Variants in PCSK2 observed in about 807,000 individuals in gnomAD.
PCSK2 encodes the protein proprotein convertase subtilisin/kexin type 2.
A neutral mutation model predicts 69.7 loss-of-function variants in PCSK2; 14 were observed. The ratio of observed to expected loss-of-function variants is 0.20; its 90% CI spans 0.13 to 0.31. PCSK2 has a LOEUF of 0.31. PCSK2 is among the 10% of genes least tolerant of loss of function. PCSK2 has a pLI of 1.00. For synonymous variants in PCSK2, 307 were observed against 320.7 expected (o/e 0.96, Z 0.46); for missense variants, 544 against 842.5 (o/e 0.65, Z 4.39).
chr20:17,462,617 G>A (rs1353926745), intron 10 of PCSK2, among the ~76,000 whole-genome samples: 1 of 152,172 alleles, frequency 6.6e-6, no homozygotes, highest in African/African-American at 2.4e-5. Flanking sequence ...GCTATCAGCT[G>A]GTGGGGACAG....
chr20:17,479,664 T>C (rs1394313370), intron 11 of PCSK2, among the ~76,000 whole-genome samples: 4 of 151,498 alleles, frequency 2.6e-5, no homozygotes, highest in Admixed American at 6.6e-5. Context: ...CCGGGCACAG[T>C]GGAGGGCGCC....
At chr20:17,467,016 T>C (rs1463628289) in intron 11 of PCSK2, among the ~76,000 whole-genome samples, 1 of 152,228 alleles carries the variant, frequency 6.6e-6, no homozygotes, top group African/African-American at 2.4e-5. Context: ...ATCATTTAAA[T>C]GGTGGTAAAA....
rs112374848 is a variant in PCSK2 at position 17,415,851 on chromosome 20, A to AG, written c.620+6514dup. Among the ~76,000 whole-genome samples, 1,431 of 152,196 alleles carry AG rather than the reference A, an allele frequency of 9.4e-3. 9 individuals are homozygous for AG. Among genetic ancestry groups the AG allele is most frequent in the South Asian group, 0.015 (74 of 4,814 alleles). Reference sequence around the variant, plus strand: ...AAAACAGATATATAGAACAGAACAGAGGCCTCAGAAATAACACCACACATC... The same window carrying AG: ...AAAACAGATATATAGAACAGAACAGAGGGCCTCAGAAATAACACCACACATC... On this transcript the variant is annotated intron_variant, in intron 6 of 11. Coordinates refer to ENST00000262545, the MANE Select transcript of PCSK2 (RefSeq NM_002594.5).
intron 2 of PCSK2, among the ~76,000 whole-genome samples, chr20:17,283,904 A>G (rs1417559): frequency 0.9 from 137,305 of 152,228 alleles, 62,068 homozygotes; most frequent in East Asian, 0.95. Flanking sequence ...TATGAGTACA[A>G]ATAAGGAAAA....
chr20:17,232,941 C>T (rs1304736152), intron 1 of PCSK2, among the ~76,000 whole-genome samples: 3 of 152,186 alleles, frequency 2.0e-5, no homozygotes, highest in Non-Finnish European at 4.4e-5. Context: ...CTTCCCTAGA[C>T]ATGGCTGCCA....
intron 5 of PCSK2, among the ~76,000 whole-genome samples, chr20:17,392,374 A>G (rs2031405314): frequency 1.3e-5 from 2 of 152,238 alleles, no homozygotes; most frequent in South Asian, 4.1e-4. Context: ...CAAAGCAGTG[A>G]TTAGAAATCA....
chr20:17,350,763 C>T (rs2123194835), intron 2 of PCSK2, among the ~76,000 whole-genome samples: 1 of 152,294 alleles, frequency 6.6e-6, no homozygotes, highest in African/African-American at 2.4e-5. Context: ...AAGATTAAGG[C>T]CAGGCGTGGT....
At chr20:17,455,560 T>C (rs1419317100) in intron 9 of PCSK2, among the ~76,000 whole-genome samples, 1 of 152,242 alleles carries the variant, frequency 6.6e-6, no homozygotes, top group Non-Finnish European at 1.5e-5. Flanking sequence ...AGAGAGACTT[T>C]AGCTGAGCAT....
chr20:17,402,458 G>A (rs111481553), intron 5 of PCSK2, among the ~76,000 whole-genome samples: 3,030 of 152,128 alleles, frequency 0.02, 56 homozygotes, highest in African/African-American at 0.042. Flanking sequence ...TTGACGTCTG[G>A]AGTTCGAGAC....
intron 1 of PCSK2, among the ~76,000 whole-genome samples, chr20:17,243,663 A>G (rs561053573): frequency 2.0e-5 from 3 of 152,252 alleles, no homozygotes; most frequent in Admixed American, 6.5e-5. Flanking sequence ...AGGTGAGACC[A>G]GAGCAGTTAC....
chr20:17,388,720 C>T (rs1001373788), intron 5 of PCSK2, among the ~76,000 whole-genome samples: 2 of 152,016 alleles, frequency 1.3e-5, no homozygotes, highest in Non-Finnish European at 2.9e-5. Flanking sequence ...AGCAGGAACC[C>T]GGACTGACCC....
chr20:17,371,068 T>A (rs766759436), intron 5 of PCSK2, among the ~76,000 whole-genome samples: 8 of 152,252 alleles, frequency 5.3e-5, no homozygotes, highest in Non-Finnish European at 7.4e-5. Flanking sequence ...CTGCTCACTT[T>A]CCCAAACCAT....
chr20:17,261,480 G>T (rs1054208861), intron 2 of PCSK2, among the ~76,000 whole-genome samples: 2 of 152,138 alleles, frequency 1.3e-5, no homozygotes, highest in African/African-American at 4.8e-5. Context: ...CTTCTCAAGA[G>T]TTCCCACCTT....
intron 5 of PCSK2, among the ~76,000 whole-genome samples, chr20:17,396,467 T>G (rs1295449512): frequency 1.3e-5 from 2 of 152,170 alleles, no homozygotes. Context: ...TTCCACTGCT[T>G]TTCTTAAACC....
intron 2 of PCSK2, among the ~76,000 whole-genome samples, chr20:17,326,311 G>T (rs1469693225): frequency 6.6e-6 from 1 of 152,168 alleles, no homozygotes; most frequent in Non-Finnish European, 1.5e-5. Flanking sequence ...GACAGTACTT[G>T]TCAAAACTGT....
At chr20:17,469,706 C>T (rs1486268736) in intron 11 of PCSK2, among the ~76,000 whole-genome samples, 2 of 152,166 alleles carry the variant, frequency 1.3e-5, no homozygotes, top group Admixed American at 1.3e-4. Flanking sequence ...GAGAGCAGCC[C>T]TACTGTGAGC....
chr20:17,402,356 A>G (rs2031656683), intron 5 of PCSK2, among the ~76,000 whole-genome samples: 1 of 152,218 alleles, frequency 6.6e-6, no homozygotes, highest in Non-Finnish European at 1.5e-5. Flanking sequence ...GGGCCAAAGG[A>G]TGGAGCTGCT....
intron 2 of PCSK2, among the ~76,000 whole-genome samples, chr20:17,283,569 C>CGAATCAT (rs1366224670): frequency 1.3e-5 from 2 of 152,168 alleles, no homozygotes; most frequent in Non-Finnish European, 2.9e-5. Context: ...TAAGTACCTA[C>CGAATCAT]GAATCATGTG....
chr20:17,377,092 C>T (rs144288547), intron 5 of PCSK2, among the ~76,000 whole-genome samples: 3 of 152,254 alleles, frequency 2.0e-5, no homozygotes, highest in Admixed American at 6.5e-5. Context: ...GGAGAGAATA[C>T]GATTCGAGAG....
Sources: allele counts gnomAD v4.1 joint callset (sites outside exome capture counted in the v4.1 genomes callset), GRCh38; gene constraint gnomAD v4.1.1; transcripts MANE v1.5; gene names NCBI Gene and HGNC (gene_info 2026-07-23, HGNC 2026-07-21).